Variants in SIRT4 observed in about 807,000 individuals in gnomAD.
SIRT4 encodes the protein NAD-dependent protein lipoamidase sirtuin-4, mitochondrial.
Under a neutral mutation model 26.1 loss-of-function variants are expected in SIRT4, and 23 were observed. The observed-to-expected ratio is 0.88, with a 90% confidence interval of 0.63 to 1.25. SIRT4 has a LOEUF of 1.25. Among genes scored for constraint, SIRT4 ranks in the 50% most tolerant of loss-of-function variants. SIRT4 has a pLI of 0.00. For missense variants in SIRT4, 361 were observed against 405.4 expected (o/e 0.89, Z 0.94); for synonymous variants, 155 against 158.4 (o/e 0.98, Z 0.16).
chr12:120,304,702 C>T (rs1427358302), intron 2 of SIRT4, among the ~76,000 whole-genome samples: 1 of 150,700 alleles, frequency 6.6e-6, no homozygotes, highest in Non-Finnish European at 1.5e-5. Context: ...GTAATCCTAG[C>T]ACTTTGGAAG....
rs2261612 is a variant in SIRT4 at position 120,312,436 on chromosome 12, A to G, written c.498-20A>G. 0.71 allele frequency: 1,128,582 copies of G among 1,588,520 alleles called. 403,213 individuals carry two copies. The highest frequency in any genetic ancestry group is 0.74 in the Admixed American group (41,454 of 55,720). On this transcript the variant is annotated intron_variant, in intron 2 of 3. Coordinates refer to ENST00000202967, the MANE Select transcript of SIRT4 (RefSeq NM_012240.3). Reference sequence around the variant, plus strand: ...CCTCCCAAGGGCATACTGTTCAGTCAGCGTCTTCCTTGGTTCCAGGGTCCT... The same window carrying G: ...CCTCCCAAGGGCATACTGTTCAGTCGGCGTCTTCCTTGGTTCCAGGGTCCT...
chr12:120,301,371 C>G (rs1167713025), upstream of SIRT4, among the ~76,000 whole-genome samples: 1 of 152,094 alleles, frequency 6.6e-6, no homozygotes, highest in African/African-American at 2.4e-5. Flanking sequence ...ACAACAACAA[C>G]AACAACAACA....
chr12:120,292,740 T>G, the SIRT4 span, among the ~76,000 whole-genome samples: 1 of 118,504 alleles, frequency 8.4e-6, no homozygotes, highest in African/African-American at 3.4e-5. Context: ...AAACAGGGGT[T>G]CGGCAAAGTT....
At chr12:120,297,504 AAG>A (rs1337519751), upstream of SIRT4, among the ~76,000 whole-genome samples, 4 of 151,548 alleles carry the variant, frequency 2.6e-5, no homozygotes, top group African/African-American at 9.7e-5. Flanking sequence ...CAAAAAAAAA[AAG>A]AAATAGAAAC....
chr12:120,293,078 C>CA, the SIRT4 span: 1 of 85,458 alleles, frequency 1.2e-5, no homozygotes, highest in South Asian at 5.9e-4. Flanking sequence ...CTCTGTTGTT[C>CA]AACTGCAAGA....
rs202083335 is a variant in SIRT4, at chr12:120,313,211, A to AT, written c.*183dup. The AT allele has an allele frequency of 8.8e-5, 59 of 668,750 alleles. 1 individual carries two copies. Among genetic ancestry groups the AT allele is most frequent in the Middle Eastern group, 3.5e-4 (1 of 2,834 alleles). The allele number at this position is 668,750 out of a possible 1,614,324, so 41.4% of individuals were successfully genotyped here. A position where few individuals can be genotyped will look rare whatever the true frequency, so the allele number is the denominator to read the frequency against. ...GTGTGGATATTCTTAATTAAAACTC[A>AT]TTTTTTTTAAATAAAAAATTGTTCA... is the stretch of plus-strand genomic sequence containing the variant. On this transcript the variant is annotated 3_prime_UTR_variant, in exon 4 of 4. Coordinates refer to ENST00000202967, the MANE Select transcript of SIRT4 (RefSeq NM_012240.3).
chr12:120,304,835 A>ATTTT (rs1169655844), intron 2 of SIRT4, among the ~76,000 whole-genome samples: 4 of 24,860 alleles, frequency 1.6e-4, no homozygotes, highest in Non-Finnish European at 2.6e-4. Context: ...ATATATATAT[A>ATTTT]TTTTTTTTTT....
In SIRT4 at chr12:120,303,772, ATACCAGAC is replaced by A; in HGVS notation, c.215_222del (p.Pro72GlnfsTer12). 1 of 1,614,134 alleles carries A rather than the reference ATACCAGAC, an allele frequency of 6.2e-7. No individual in the cohort carries two copies. The highest frequency in any genetic ancestry group is 1.7e-5 in the Admixed American group (1 of 60,004). The stretch of plus-strand genomic sequence containing the variant: ...GGCAGGAATCTCCACCGAATCGGGG[ATACCAGAC>A]TACAGGTCAGAAAAAGTGGGGCTTT... On this transcript the variant is annotated frameshift_variant, in exon 2 of 4. Transcript: ENST00000202967. LOFTEE classifies it high-confidence loss of function.
chr12:120,299,270 G>A (rs1872459449), upstream of SIRT4, among the ~76,000 whole-genome samples: 1 of 149,736 alleles, frequency 6.7e-6, no homozygotes, highest in African/African-American at 2.4e-5. Context: ...TAATAAAAGT[G>A]GCGGGGTGCA....
chr12:120,295,418 A>AT, the SIRT4 span, among the ~76,000 whole-genome samples: 12 of 37,574 alleles, frequency 3.2e-4, no homozygotes, highest in African/African-American at 1.3e-3. Flanking sequence ...ATATATAGAT[A>AT]ATTTTTTTTT....
intron 2 of SIRT4, among the ~76,000 whole-genome samples, chr12:120,306,871 C>T (rs1270835055): frequency 6.6e-6 from 1 of 152,164 alleles, no homozygotes; most frequent in African/African-American, 2.4e-5. Context: ...AAAATATGAG[C>T]TGAACACCAA....
At chr12:120,308,785 A>G (rs1872844644) in intron 2 of SIRT4, among the ~76,000 whole-genome samples, 1 of 152,164 alleles carries the variant, frequency 6.6e-6, no homozygotes, top group Non-Finnish European at 1.5e-5. Context: ...AAACAGGATT[A>G]AAAAGAGCAG....
rs139416968 is a variant in SIRT4 at position 120,303,849 on chromosome 12, C to A, written c.288C>A (p.Val96=). The A allele has an allele frequency of 3.0e-5, 48 of 1,614,010 alleles. 1 individual carries two copies. The highest frequency in any genetic ancestry group is 3.6e-5 in the Non-Finnish European group (43 of 1,180,014). ...DRRPIQHGDF[V]RSAPIRQRYW... The stretch of plus-strand genomic sequence containing the variant: ...GGCCCATCCAGCATGGTGATTTTGT[C>A]CGGAGTGCCCCAATCCGCCAGCGGT... Residue 96 remains valine (V), a synonymous_variant, in exon 2 of 4, where the codon GTC becomes GTA. Transcript: ENST00000202967.
upstream of SIRT4, among the ~76,000 whole-genome samples, chr12:120,301,675 T>A (rs1411965610): frequency 6.6e-6 from 1 of 151,618 alleles, no homozygotes; most frequent in African/African-American, 2.4e-5. Flanking sequence ...CAAATCTAGA[T>A]CCATGATTAA....
At chr12:120,294,043 G>C in the SIRT4 span, among the ~76,000 whole-genome samples, 1 of 26,344 alleles carries the variant, frequency 3.8e-5, no homozygotes, top group Admixed American at 5.5e-4. Context: ...TGCTCTTGTT[G>C]CCCAGGCTGG....
upstream of SIRT4, among the ~76,000 whole-genome samples, chr12:120,300,537 C>T (rs139563808): frequency 9.4e-4 from 143 of 152,234 alleles, 1 homozygote; most frequent in African/African-American, 3.2e-3. Context: ...CCTCGATCTC[C>T]TGGGCTCAAA....
chr12:120,297,233 A>C, the SIRT4 span, among the ~76,000 whole-genome samples: 70,030 of 134,026 alleles, frequency 0.52, 18,757 homozygotes, highest in East Asian at 0.76. Context: ...AAAATAAATA[A>C]ATACATACAT....
chr12:120,298,314 G>C (rs944241458), upstream of SIRT4, among the ~76,000 whole-genome samples: 9 of 150,608 alleles, frequency 6.0e-5, no homozygotes, highest in Non-Finnish European at 1.3e-4. Flanking sequence ...TGTGTACTAA[G>C]TTAAAAAGAA....
chr12:120,309,182 CA>C (rs1292674674), intron 2 of SIRT4, among the ~76,000 whole-genome samples: 3 of 150,928 alleles, frequency 2.0e-5, no homozygotes, highest in Non-Finnish European at 4.4e-5. Context: ...AACTCTGTCT[CA>C]AAAAAAACTC....
Sources: allele counts gnomAD v4.1 joint callset (sites outside exome capture counted in the v4.1 genomes callset), GRCh38; gene constraint gnomAD v4.1.1; transcripts MANE v1.5; gene names NCBI Gene and HGNC (gene_info 2026-07-23, HGNC 2026-07-21).